Variants in SFMBT1 observed in about 807,000 individuals in gnomAD.
SFMBT1 encodes the protein Scm like with four mbt domains 1.
A neutral mutation model predicts 108.7 loss-of-function variants in SFMBT1; 32 were observed. The observed-to-expected ratio is 0.29, with a 90% CI of 0.22 to 0.40. The LOEUF (loss-of-function observed/expected upper bound fraction) is 0.40, where lower values mean the gene tolerates loss of function less well. SFMBT1 is among the 10% of genes least tolerant of loss of function. The pLI is 1.00. For missense variants in SFMBT1, 816 were observed against 1,059.6 expected (o/e 0.77, Z 3.19); for synonymous variants, 348 against 369.5 (o/e 0.94, Z 0.67).
At chr3:52,934,762 T>G in intron 5 of SFMBT1, 51 bp downstream of exon 5, 1 of 1,462,242 alleles carries the variant, frequency 6.8e-7, no homozygotes, top group South Asian at 1.2e-5. Context: ...TAAGATTCTT[T>G]GAAAGATCAG....
chr3:52,953,415 G>A (rs1164241302), intron 3 of SFMBT1, among the ~76,000 whole-genome samples: 1 of 150,310 alleles, frequency 6.7e-6, no homozygotes. Context: ...ATGGGCGATG[G>A]AGTGAGACAC....
chr3:52,942,757 C>T (rs1703228149), intron 4 of SFMBT1, among the ~76,000 whole-genome samples: 1 of 152,212 alleles, frequency 6.6e-6, no homozygotes, highest in Admixed American at 6.5e-5. Context: ...TCAGGTGATC[C>T]AGCCGCCTCA....
chr3:52,936,193 G>A (rs1029898332), intron 4 of SFMBT1, among the ~76,000 whole-genome samples: 1 of 152,150 alleles, frequency 6.6e-6, no homozygotes, highest in Non-Finnish European at 1.5e-5. Flanking sequence ...GCTCAATGGT[G>A]ATATTCTAAT....
intron 1 of SFMBT1, among the ~76,000 whole-genome samples, chr3:52,981,309 C>T (rs542810799): frequency 3.9e-5 from 6 of 152,192 alleles, no homozygotes; most frequent in Admixed American, 3.9e-4. Context: ...CAAATGAGTT[C>T]CCCAATGCCA....
At chr3:52,909,482 G>A (rs916792664) in intron 17 of SFMBT1, among the ~76,000 whole-genome samples, 6 of 152,120 alleles carry the variant, frequency 3.9e-5, no homozygotes, top group Non-Finnish European at 5.9e-5. Context: ...TAGAAAGCTC[G>A]TCATACTAAG....
chr3:52,932,314 G>C lies in SFMBT1; in HGVS notation c.454-6C>G. On this transcript the variant is annotated splice_polypyrimidine_tract_variant and splice_region_variant and intron_variant, in intron 5 of 20. Transcript: ENST00000394752. ...GGATTCCTCCCATTACGGAGCTGTA[G>C]GATTAAAAAGTAAAACAACCCAGTA... 1 of 1,604,198 alleles carries C rather than the reference G, an allele frequency of 6.2e-7. No individual in the cohort carries two copies. Among genetic ancestry groups the C allele is most frequent in the Non-Finnish European group, 8.5e-7 (1 of 1,176,346 alleles).
chr3:53,008,967 A>C (rs1212923722), intron 1 of SFMBT1, among the ~76,000 whole-genome samples: 2 of 151,362 alleles, frequency 1.3e-5, no homozygotes, highest in Admixed American at 1.3e-4. Context: ...GGGTCTTGAT[A>C]TCCTACTCTG....
chr3:53,045,391 C>CGCGCGGCGGGCCCG (rs1700196900), intron 1 of SFMBT1: 2 of 140,572 alleles, frequency 1.4e-5, no homozygotes, highest in African/African-American at 5.1e-5. Context: ...CGGGGAGGGG[C>CGCGCGGCGGGCCCG]GCGCGGCGGG....
intron 3 of SFMBT1, among the ~76,000 whole-genome samples, chr3:52,952,445 A>T (rs560518363): frequency 3.6e-4 from 55 of 152,306 alleles, no homozygotes; most frequent in Non-Finnish European, 7.6e-4. Flanking sequence ...TCAAACCCTA[A>T]GCTCCAGTAT....
chr3:52,922,700 T>C (rs566560205), intron 10 of SFMBT1, among the ~76,000 whole-genome samples: 3 of 152,330 alleles, frequency 2.0e-5, no homozygotes, highest in South Asian at 4.1e-4. Flanking sequence ...GGTTATGCCA[T>C]TGGCTCCTCG....
intron 9 of SFMBT1, among the ~76,000 whole-genome samples, chr3:52,927,692 AC>A (rs1303312045): frequency 6.6e-6 from 1 of 152,228 alleles, no homozygotes; most frequent in Non-Finnish European, 1.5e-5. Flanking sequence ...TTATTTTCCT[AC>A]CTACTCCCTG....
chr3:52,932,767 C>T (rs1193449988), intron 5 of SFMBT1, among the ~76,000 whole-genome samples: 5 of 151,918 alleles, frequency 3.3e-5, no homozygotes, highest in Admixed American at 1.3e-4. Flanking sequence ...AAAAATTAGT[C>T]GGGCATGGTG....
rs151171883 is a variant in SFMBT1 at position 53,005,151 on chromosome 3, T to C, written c.-130-35893A>G. The stretch of plus-strand genomic sequence containing the variant: ...CGAGATTACATAAAAATGGGAAATA[T>C]AAACACATGTTACATACAGTCCGTA... On this transcript the variant is annotated intron_variant, in intron 1 of 20. Transcript: ENST00000394752. Among the ~76,000 whole-genome samples, 5 of 152,286 alleles carry C rather than the reference T, an allele frequency of 3.3e-5. No individual in the cohort carries two copies. The East Asian group carries it at 9.6e-4, about 29-fold the overall frequency.
intron 1 of SFMBT1, among the ~76,000 whole-genome samples, chr3:53,032,161 G>A (rs1052011918): frequency 2.0e-5 from 3 of 152,184 alleles, no homozygotes; most frequent in African/African-American, 7.2e-5. Flanking sequence ...TTTGAGGTCA[G>A]GGGTTCAAGA....
chr3:52,949,914 T>C (rs1703514578), intron 3 of SFMBT1, among the ~76,000 whole-genome samples: 1 of 152,192 alleles, frequency 6.6e-6, no homozygotes, highest in Non-Finnish European at 1.5e-5. Flanking sequence ...TTAATACAGC[T>C]AGGTCTTTTT....
intron 1 of SFMBT1, among the ~76,000 whole-genome samples, chr3:52,975,888 C>A (rs9837302): frequency 1.3e-5 from 2 of 151,006 alleles, no homozygotes; most frequent in African/African-American, 4.9e-5. Flanking sequence ...GGATTACAGG[C>A]ATGAGCCACA....
intron 16 of SFMBT1, among the ~76,000 whole-genome samples, chr3:52,911,719 T>C (rs1559507648): frequency 6.6e-6 from 1 of 152,236 alleles, no homozygotes; most frequent in African/African-American, 2.4e-5. Flanking sequence ...GTTTTTGAGA[T>C]AGAGTCTCGC....
intron 1 of SFMBT1, among the ~76,000 whole-genome samples, chr3:52,975,058 C>G (rs960149166): frequency 2.0e-5 from 3 of 150,364 alleles, no homozygotes; most frequent in African/African-American, 7.3e-5. Context: ...AAACCCAACA[C>G]AGGGCAAATC....
intron 1 of SFMBT1, among the ~76,000 whole-genome samples, chr3:53,019,937 C>A (rs1699248743): frequency 6.6e-6 from 1 of 152,202 alleles, no homozygotes; most frequent in Non-Finnish European, 1.5e-5. Context: ...TTCACACTCC[C>A]ACTGTTGGTT....
Sources: gnomAD v4.1 joint callset for allele counts (sites outside exome capture counted in the v4.1 genomes callset) on GRCh38, gnomAD v4.1.1 for gene constraint, MANE v1.5 for transcripts, NCBI Gene and HGNC (gene_info 2026-07-23, HGNC 2026-07-21) for gene names.